The following TPD52 variants were observed in gnomAD, a reference collection of about 807,000 sequenced individuals.
TPD52 encodes the protein tumor protein D52.
Under a neutral mutation model 31.3 loss-of-function variants are expected in TPD52, and 17 were observed. The ratio of observed to expected loss-of-function variants is 0.54; its 90% confidence interval spans 0.37 to 0.82. The LOEUF is 0.82. TPD52 is among the 40% of genes least tolerant of loss of function. TPD52 has a pLI of 0.00. For synonymous variants in TPD52, 83 were observed against 89.6 expected (o/e 0.93, Z 0.42); for missense variants, 212 against 240.1 (o/e 0.88, Z 0.77).
At chr8:80,116,093 C>T (rs565119915) in intron 1 of TPD52, among the ~76,000 whole-genome samples, 148 of 152,254 alleles carry the variant, frequency 9.7e-4, no homozygotes, top group African/African-American at 3.5e-3. Context: ...TTTGACCTAA[C>T]AAATCAACTG....
intron 1 of TPD52, among the ~76,000 whole-genome samples, chr8:80,102,099 T>A (rs1002191133): frequency 2.0e-5 from 3 of 152,108 alleles, no homozygotes; most frequent in Non-Finnish European, 1.5e-5. Context: ...AACAAATTAC[T>A]CCAAAACTCA....
rs1049318618 is a variant in TPD52, at chr8:80,035,672, A to T, written c.*2444T>A. ...TGAGCTCTACTCTCTTCCACTGACT[A>T]CTTGGCTCTCATAAGCATAAGAATT... On this transcript the variant is annotated 3_prime_UTR_variant, in exon 8 of 8. Transcript: ENST00000518937. 3 of 152,224 alleles carry T rather than the reference A, an allele frequency of 2.0e-5. No individual in the cohort carries two copies. Among genetic ancestry groups the T allele is most frequent in the African/African-American group, 7.2e-5 (3 of 41,456 alleles). 9.4% of individuals were successfully genotyped at this position (152,224 alleles called of 1,614,324 possible). A position where few individuals can be genotyped will look rare whatever the true frequency, so the allele number is the denominator to read the frequency against.
intron 1 of TPD52, among the ~76,000 whole-genome samples, chr8:80,149,622 T>C (rs1479420761): frequency 6.6e-6 from 1 of 152,308 alleles, no homozygotes; most frequent in East Asian, 1.9e-4. Context: ...GTTGAATGCC[T>C]TTAATCTAAA....
intron 4 of TPD52, 83 bp downstream of exon 4, chr8:80,051,444 C>T: frequency 2.2e-6 from 3 of 1,340,882 alleles, no homozygotes; most frequent in Non-Finnish European, 2.1e-6. Context: ...TCAACTAGAG[C>T]CAAGGTCAGG....
rs996875833 is a variant in TPD52 at position 80,080,192 on chromosome 8, G to C, written c.20-15599C>G. 3 of 732,120 alleles carry C rather than the reference G, an allele frequency of 4.1e-6. No homozygotes were observed. In the African/African-American group the frequency reaches 5.3e-5, roughly 13 times the overall value. 45.4% of individuals were successfully genotyped at this position (732,120 alleles called of 1,614,324 possible). On this transcript the variant is annotated intron_variant, in intron 1 of 7. Transcript: ENST00000518937. ...ACTTTGAATCTAGAATAGCTTATTA[G>C]CTAGTTACAACCCAACACCACCCTG...
chr8:80,056,186 T>TA (rs565915639), intron 2 of TPD52, among the ~76,000 whole-genome samples: 44 of 152,184 alleles, frequency 2.9e-4, no homozygotes, highest in Middle Eastern at 3.4e-3. Context: ...AATTCTGCCA[T>TA]AAAAAAGAAT....
intron 1 of TPD52, among the ~76,000 whole-genome samples, chr8:80,155,967 G>T (rs780810390): frequency 1.3e-5 from 2 of 151,986 alleles, no homozygotes; most frequent in Admixed American, 6.6e-5. Context: ...TGTTTGGGGG[G>T]TACATCATAT....
At chr8:80,050,372 C>CA in intron 5 of TPD52, 73 bp downstream of exon 5, 1 of 1,436,954 alleles carries the variant, frequency 7.0e-7, no homozygotes, top group Non-Finnish European at 9.5e-7. Context: ...TCCAACGTAG[C>CA]ATGGTAATCT....
chr8:80,170,895 T>G, intron 1 of TPD52: 2 of 275,430 alleles, frequency 7.3e-6, no homozygotes, highest in African/African-American at 2.3e-5. Flanking sequence ...AATCTGGGGG[T>G]TTCTAGTATG....
chr8:80,140,938 G>C (rs1809786112), intron 1 of TPD52, among the ~76,000 whole-genome samples: 1 of 131,330 alleles, frequency 7.6e-6, no homozygotes, highest in Admixed American at 7.9e-5. Flanking sequence ...CATTTTCAGG[G>C]GCAATACAAC....
chr8:80,073,858 C>T (rs567479218), intron 1 of TPD52, among the ~76,000 whole-genome samples: 2 of 152,262 alleles, frequency 1.3e-5, no homozygotes, highest in Admixed American at 6.5e-5. Context: ...AAGATTGTCA[C>T]TTTTGGGGGC....
intron 2 of TPD52, among the ~76,000 whole-genome samples, chr8:80,055,648 G>A (rs920107782): frequency 1.1e-4 from 17 of 152,108 alleles, no homozygotes; most frequent in Admixed American, 5.2e-4. Flanking sequence ...CATCTGACAA[G>A]GGACTAATAT....
chr8:80,120,064 AG>A (rs1808147161), intron 1 of TPD52, among the ~76,000 whole-genome samples: 1 of 152,170 alleles, frequency 6.6e-6, no homozygotes, highest in Non-Finnish European at 1.5e-5. Context: ...ACAAGTTAAA[AG>A]ACAAGTGACA....
intron 1 of TPD52, among the ~76,000 whole-genome samples, chr8:80,078,373 T>A (rs748905640): frequency 5.3e-5 from 8 of 152,268 alleles, no homozygotes; most frequent in Non-Finnish European, 1.0e-4. Flanking sequence ...AAATACATAG[T>A]GGCCAAAAGC....
At chr8:80,163,286 T>A (rs1159114231) in intron 1 of TPD52, among the ~76,000 whole-genome samples, 1 of 152,210 alleles carries the variant, frequency 6.6e-6, no homozygotes, top group Non-Finnish European at 1.5e-5. Context: ...GGAATATTAT[T>A]CAGCCTTAAG....
intron 2 of TPD52, among the ~76,000 whole-genome samples, chr8:80,063,824 A>G (rs561776951): frequency 6.9e-6 from 1 of 145,918 alleles, no homozygotes; most frequent in South Asian, 2.3e-4. Context: ...AAAATGGTTA[A>G]TTTTTATGTT....
chr8:80,164,022 G>GAT (rs1563673398), intron 1 of TPD52, among the ~76,000 whole-genome samples: 2 of 128,464 alleles, frequency 1.6e-5, no homozygotes, highest in African/African-American at 7.6e-5. Context: ...GTGAGAGAGA[G>GAT]ACAGAGAGAG....
chr8:80,065,899 C>T (rs1309305252), intron 1 of TPD52, among the ~76,000 whole-genome samples: 5 of 150,756 alleles, frequency 3.3e-5, no homozygotes, highest in African/African-American at 1.2e-4. Flanking sequence ...GTTCAGTTTA[C>T]AGATTTGGGA....
At chr8:80,076,939 T>G (rs189452834) in intron 1 of TPD52, among the ~76,000 whole-genome samples, 16 of 151,812 alleles carry the variant, frequency 1.1e-4, no homozygotes, top group Admixed American at 3.3e-4. Context: ...AGTGCTGGGA[T>G]TACAGGCATG....
Sources: allele counts gnomAD v4.1 joint callset (sites outside exome capture counted in the v4.1 genomes callset), GRCh38; gene constraint gnomAD v4.1.1; transcripts MANE v1.5; gene names NCBI Gene and HGNC (gene_info 2026-07-23, HGNC 2026-07-21).